Variants in PRORP observed in about 807,000 individuals in gnomAD.
PRORP encodes protein only RNase P catalytic subunit, also known as mitochondrial ribonuclease P catalytic subunit.
In PRORP, 51 loss-of-function variants were observed where a neutral mutation model predicts 59.4. The observed-to-expected ratio is 0.86, with a 90% CI of 0.69 to 1.08. PRORP has a LOEUF of 1.08. PRORP is among the 50% of genes least tolerant of loss of function. The probability of loss-of-function intolerance (pLI) is 0.00; values close to 1 mark genes in which losing one functional copy is unlikely to be tolerated. For synonymous variants in PRORP, 231 were observed against 245.6 expected (o/e 0.94, Z 0.55); for missense variants, 646 against 690.3 (o/e 0.94, Z 0.72).
At chr14:35,259,993 GTTTTTTT>G (rs557378360) in intron 5 of PRORP, among the ~76,000 whole-genome samples, 3 of 81,308 alleles carry the variant, frequency 3.7e-5, no homozygotes, top group African/African-American at 1.4e-4. Flanking sequence ...GGTTTTTCGG[GTTTTTTT>G]TTTTTTTTTT....
intron 5 of PRORP, among the ~76,000 whole-genome samples, chr14:35,211,709 G>A (rs1362107230): frequency 6.6e-6 from 1 of 152,204 alleles, no homozygotes; most frequent in Non-Finnish European, 1.5e-5. Flanking sequence ...AATCATCTGA[G>A]CCTTCAGGGC....
chr14:35,124,415 G>C, intron 2 of PRORP, 184 bp downstream of exon 2: 1 of 378,974 alleles, frequency 2.6e-6, no homozygotes, highest in African/African-American at 2.1e-5. Context: ...CCACAGGCAT[G>C]TGCCACCATA....
chr14:35,237,992 TCAAA>T (rs1219069500), intron 5 of PRORP, among the ~76,000 whole-genome samples: 1 of 151,830 alleles, frequency 6.6e-6, no homozygotes, highest in Non-Finnish European at 1.5e-5. Context: ...GTTCATTAAG[TCAAA>T]CAAACAAAAC....
chr14:35,212,388 G>A (rs2049471449), intron 5 of PRORP, among the ~76,000 whole-genome samples: 1 of 152,212 alleles, frequency 6.6e-6, no homozygotes, highest in African/African-American at 2.4e-5. Flanking sequence ...CATCAGAGGA[G>A]TCACTATGGC....
chr14:35,158,827 A>G, intron 4 of PRORP: 1 of 313,312 alleles, frequency 3.2e-6, no homozygotes, highest in South Asian at 3.3e-5. Flanking sequence ...CTTTTTAGTA[A>G]TAATTCTATG....
chr14:35,195,951 G>A (rs552312268), intron 5 of PRORP, among the ~76,000 whole-genome samples: 2 of 152,270 alleles, frequency 1.3e-5, no homozygotes, highest in African/African-American at 4.8e-5. Context: ...AGTCCAAGGA[G>A]AATGTATAAA....
chr14:35,198,024 A>G (rs2049050712), intron 5 of PRORP, among the ~76,000 whole-genome samples: 1 of 152,150 alleles, frequency 6.6e-6, no homozygotes, highest in African/African-American at 2.4e-5. Context: ...TCACATTCTC[A>G]TCATAAACAT....
At chr14:35,188,894 A>G (rs2048810087) in intron 5 of PRORP, among the ~76,000 whole-genome samples, 1 of 147,174 alleles carries the variant, frequency 6.8e-6, no homozygotes, top group Non-Finnish European at 1.5e-5. Flanking sequence ...CAGTAAGCTG[A>G]GATCGTACCA....
Position 35,144,716 on chromosome 14 carries a change from A to G in PRORP, c.1167+17105A>G, listed in dbSNP as rs2047563631. On this transcript the variant is annotated intron_variant, in intron 4 of 7. Coordinates refer to ENST00000534898, the MANE Select transcript of PRORP (RefSeq NM_014672.4). ...GAGCAAATGAGAGTGAAAAAGGCAT[A>G]TAACGTCTTAGCATTATGAAAATAG... Among the ~76,000 whole-genome samples, 2 of 146,184 alleles carry G rather than the reference A, an allele frequency of 1.4e-5. 1 individual carries two copies. Among genetic ancestry groups the G allele is most frequent in the Non-Finnish European group, 3.0e-5 (2 of 65,748 alleles).
rs182789056 is a variant in PRORP, at chr14:35,263,547, C to T, written c.1276-3180C>T. Among the ~76,000 whole-genome samples the T allele has an allele frequency of 3.5e-3, 379 of 108,082 alleles. 1 individual carries two copies. The highest frequency in any genetic ancestry group is 9.7e-3 in the African/African-American group (359 of 36,928). The allele number at this position is 108,082 out of a possible 152,430, so 70.9% of individuals were successfully genotyped here. On this transcript the variant is annotated intron_variant, in intron 5 of 7. Coordinates refer to ENST00000534898, the MANE Select transcript of PRORP (RefSeq NM_014672.4). ...ACTAAAAATACAAAAATTAGCCAGG[C>T]ATGGGTGGCAGGTGCCTGTAATCCA...
At chr14:35,124,887 A>C (rs1405794683) in intron 2 of PRORP, among the ~76,000 whole-genome samples, 4 of 130,142 alleles carry the variant, frequency 3.1e-5, no homozygotes, top group Non-Finnish European at 4.9e-5. Context: ...TTTTTTTTTG[A>C]GACGGAGTTT....
At chr14:35,177,601 A>T (rs2048486572) in intron 4 of PRORP, among the ~76,000 whole-genome samples, 1 of 151,940 alleles carries the variant, frequency 6.6e-6, no homozygotes, top group Non-Finnish European at 1.5e-5. Context: ...CCCCTTTATC[A>T]TTTTTTATTG....
chr14:35,180,612 T>C (rs1435136863), intron 4 of PRORP, 58 bp from the exon 5 acceptor site: 2 of 1,030,532 alleles, frequency 1.9e-6, no homozygotes, highest in African/African-American at 3.2e-5. Flanking sequence ...TGCAGTGTGT[T>C]TATAATAAAG....
intron 5 of PRORP, among the ~76,000 whole-genome samples, chr14:35,245,536 T>G (rs1170365125): frequency 6.6e-6 from 1 of 152,102 alleles, no homozygotes; most frequent in African/African-American, 2.4e-5. Context: ...TCCCAGCTAC[T>G]TGGGGGGCTG....
At chr14:35,177,950 G>C (rs2048496647) in intron 4 of PRORP, among the ~76,000 whole-genome samples, 1 of 152,102 alleles carries the variant, frequency 6.6e-6, no homozygotes, top group Admixed American at 6.5e-5. Context: ...TTTTGTCTTT[G>C]TTCTCATTGG....
At chr14:35,246,493 G>C (rs1421308656) in intron 5 of PRORP, among the ~76,000 whole-genome samples, 2 of 152,000 alleles carry the variant, frequency 1.3e-5, no homozygotes, top group African/African-American at 4.8e-5. Context: ...TCCAGTTCTG[G>C]AGTCTTTTGA....
At chr14:35,206,281 G>C (rs768540580) in intron 5 of PRORP, among the ~76,000 whole-genome samples, 3 of 152,186 alleles carry the variant, frequency 2.0e-5, no homozygotes, top group Non-Finnish European at 4.4e-5. Flanking sequence ...TCATTAGCTG[G>C]GAGAGGAGTG....
intron 4 of PRORP, among the ~76,000 whole-genome samples, chr14:35,174,382 C>T (rs72664863): frequency 0.4 from 60,408 of 151,738 alleles, 12,555 homozygotes; most frequent in East Asian, 0.69. Context: ...TTTTTTTCTC[C>T]ATAGCATTCT....
chr14:35,235,382 G>A lies in PRORP; in HGVS notation c.1276-31345G>A, dbSNP rs1257857840. On this transcript the variant is annotated intron_variant, in intron 5 of 7. Coordinates refer to ENST00000534898, the MANE Select transcript of PRORP (RefSeq NM_014672.4). ...CTGTGTAAAGTTGACAGTGGTGCAG[G>A]TCTTCCTGTGGACTAGATGTCCCAG... The A allele has an allele frequency of 7.1e-6, 5 of 699,622 alleles. No individual in the cohort carries two copies. In the East Asian group the frequency reaches 1.1e-4, roughly 16 times the overall value. 43.3% of individuals were successfully genotyped at this position (699,622 alleles called of 1,614,324 possible).
Sources: allele counts gnomAD v4.1 joint callset (sites outside exome capture counted in the v4.1 genomes callset), GRCh38; gene constraint gnomAD v4.1.1; transcripts MANE v1.5; gene names NCBI Gene and HGNC (gene_info 2026-07-23, HGNC 2026-07-21).